The following XKR9 variants were observed in gnomAD, a reference collection of about 807,000 sequenced individuals.
XKR9 encodes the protein XK related 9.
XKR9 carries 32 observed loss-of-function variants against 32.0 expected under a neutral mutation model. The ratio of observed to expected loss-of-function variants is 1.00; its 90% CI spans 0.76 to 1.34. The LOEUF (loss-of-function observed/expected upper bound fraction) is 1.34. Among genes scored for constraint, XKR9 ranks in the 40% most tolerant of loss-of-function variants. The pLI is 0.00. For synonymous variants in XKR9, 168 were observed against 143.4 expected, an observed-to-expected ratio of 1.17 and a Z score of -1.22; for missense variants, 546 against 429.7, an observed-to-expected ratio of 1.27 and a Z score of -2.39.
At chr8:70,814,191 G>A in the XKR9 span, among the ~76,000 whole-genome samples, 1 of 151,888 alleles carries the variant, frequency 6.6e-6, no homozygotes, top group East Asian at 1.9e-4. Context: ...ACTATCGCAA[G>A]GACAAAAAAC....
chr8:70,799,472 T>C, the XKR9 span, among the ~76,000 whole-genome samples: 1 of 151,970 alleles, frequency 6.6e-6, no homozygotes, highest in African/African-American at 2.4e-5. Flanking sequence ...CTGGGACTAC[T>C]GGTGCGTGCC....
the XKR9 span, among the ~76,000 whole-genome samples, chr8:70,869,255 C>A: frequency 2.0e-5 from 3 of 152,142 alleles, no homozygotes; most frequent in African/African-American, 7.2e-5. Flanking sequence ...TGTATTATTT[C>A]GTTTTCACAC....
chr8:70,714,488 T>C (rs535829465), intron 4 of XKR9, among the ~76,000 whole-genome samples: 93 of 152,160 alleles, frequency 6.1e-4, no homozygotes, highest in African/African-American at 2.2e-3. Context: ...AATATAATTT[T>C]CATAGAATAG....
chr8:71,014,697 G>T, the XKR9 span, among the ~76,000 whole-genome samples: 5 of 152,038 alleles, frequency 3.3e-5, no homozygotes, highest in Non-Finnish European at 7.4e-5. Context: ...ATATCTTTTT[G>T]GGGGCCATCA....
intron 2 of XKR9, among the ~76,000 whole-genome samples, chr8:70,761,670 T>C (rs958121007): frequency 6.6e-6 from 1 of 152,224 alleles, no homozygotes; most frequent in Admixed American, 6.5e-5. Flanking sequence ...GTTGATTTTT[T>C]TTTTCTGTGC....
intron 3 of XKR9, among the ~76,000 whole-genome samples, chr8:70,690,057 CA>C (rs1819456615): frequency 6.6e-6 from 1 of 151,952 alleles, no homozygotes; most frequent in Admixed American, 6.6e-5. Context: ...TGGAAGATGC[CA>C]GATAGATAAA....
chr8:70,712,323 T>G (rs539040212), intron 4 of XKR9, among the ~76,000 whole-genome samples: 2 of 152,098 alleles, frequency 1.3e-5, no homozygotes, highest in Admixed American at 1.3e-4. Flanking sequence ...ACATAACATA[T>G]CTGATAAAAC....
chr8:70,784,949 T>G (rs1586897910), intron 2 of XKR9, among the ~76,000 whole-genome samples: 1 of 152,132 alleles, frequency 6.6e-6, no homozygotes, highest in Admixed American at 6.5e-5. Flanking sequence ...TTTCTACACC[T>G]ACCAGGTGAT....
rs145288937 is a variant in XKR9, at chr8:70,675,187, G to A, written c.-279+288G>A. On this transcript the variant is annotated intron_variant, in intron 2 of 4. Transcript: ENST00000408926. The stretch of plus-strand genomic sequence containing the variant: ...CATTCTTGTAATCCCAGCACTTTGG[G>A]AGGCTGAGGTGGGTGGGTCACTTGA... 1.2e-4 allele frequency among the ~76,000 whole-genome samples: 18 copies of A among 152,252 alleles called. No homozygotes were observed. In the East Asian group the frequency reaches 3.5e-3, roughly 29 times the overall value.
chr8:70,716,589 G>A (rs1252901376), intron 4 of XKR9, among the ~76,000 whole-genome samples: 1 of 152,022 alleles, frequency 6.6e-6, no homozygotes, highest in African/African-American at 2.4e-5. Context: ...ACAACATGGG[G>A]GAAACTACCC....
At chr8:70,767,659 G>A (rs973966044) in intron 2 of XKR9, among the ~76,000 whole-genome samples, 1 of 151,804 alleles carries the variant, frequency 6.6e-6, no homozygotes, top group Non-Finnish European at 1.5e-5. Context: ...ACCATGACTG[G>A]CTAATTTTTG....
chr8:71,062,830 C>A, the XKR9 span, among the ~76,000 whole-genome samples: 2 of 151,914 alleles, frequency 1.3e-5, no homozygotes, highest in African/African-American at 4.8e-5. Flanking sequence ...ACACTTATTT[C>A]TTTGTTAATA....
intron 4 of XKR9, among the ~76,000 whole-genome samples, chr8:70,708,442 CA>C (rs879283302): frequency 9.2e-5 from 14 of 152,098 alleles, no homozygotes; most frequent in Non-Finnish European, 1.3e-4. Flanking sequence ...AGATATAATT[CA>C]ATTGTCTAAC....
chr8:71,020,763 A>G, the XKR9 span, among the ~76,000 whole-genome samples: 1 of 152,230 alleles, frequency 6.6e-6, no homozygotes, highest in South Asian at 2.1e-4. Flanking sequence ...TGTTGAGAAC[A>G]TTTCAAGTCT....
At chr8:70,999,077 G>A in the XKR9 span, among the ~76,000 whole-genome samples, 2 of 151,598 alleles carry the variant, frequency 1.3e-5, no homozygotes, top group East Asian at 1.9e-4. Flanking sequence ...TTGTTTCTCT[G>A]TCTCTCTCTC....
At chr8:70,929,561 T>A in the XKR9 span, among the ~76,000 whole-genome samples, 1 of 152,204 alleles carries the variant, frequency 6.6e-6, no homozygotes, top group Non-Finnish European at 1.5e-5. Flanking sequence ...GGAAAGAATC[T>A]CCATCTAGGC....
chr8:70,970,108 A>AAT, the XKR9 span, among the ~76,000 whole-genome samples: 1 of 152,136 alleles, frequency 6.6e-6, no homozygotes. Flanking sequence ...TAGTACTCTT[A>AAT]ATATATATAC....
the XKR9 span, among the ~76,000 whole-genome samples, chr8:70,875,835 G>C: frequency 3.9e-5 from 6 of 152,076 alleles, no homozygotes; most frequent in African/African-American, 1.2e-4. Context: ...AGATAGTCAA[G>C]ATTTAGAAAA....
intron 2 of XKR9, among the ~76,000 whole-genome samples, chr8:70,763,956 C>T (rs1807340652): frequency 6.6e-6 from 1 of 152,184 alleles, no homozygotes; most frequent in African/African-American, 2.4e-5. Flanking sequence ...TTTTCAGGCC[C>T]TTGTAGTCCA....
Sources: gnomAD v4.1 joint callset for allele counts (sites outside exome capture counted in the v4.1 genomes callset) on GRCh38, gnomAD v4.1.1 for gene constraint, MANE v1.5 for transcripts, NCBI Gene and HGNC (gene_info 2026-07-23, HGNC 2026-07-21) for gene names.